The following TERF2 variants were observed in gnomAD, a reference collection of about 807,000 sequenced individuals.
The protein encoded by TERF2 is telomeric repeat binding factor 2.
In TERF2, 16 loss-of-function variants were observed where a neutral mutation model predicts 56.1. The ratio of observed to expected loss-of-function variants is 0.29; its 90% confidence interval spans 0.19 to 0.43. The LOEUF (loss-of-function observed/expected upper bound fraction) is 0.43, where lower values mean the gene tolerates loss of function less well. TERF2 is among the 20% of genes least tolerant of loss of function. The pLI is 1.00. For synonymous variants in TERF2, 296 were observed against 282.1 expected, an observed-to-expected ratio of 1.05 and a Z score of -0.50; for missense variants, 547 against 712.9, an observed-to-expected ratio of 0.77 and a Z score of 2.65.
chr16:69,376,413 G>C (rs560758673), intron 3 of TERF2, among the ~76,000 whole-genome samples: 4 of 152,074 alleles, frequency 2.6e-5, no homozygotes, highest in Non-Finnish European at 5.9e-5. Context: ...CTCTATAGTC[G>C]TAATTACTGT....
At chr16:69,362,657 C>A (rs761132551) in intron 7 of TERF2, among the ~76,000 whole-genome samples, 25 of 152,098 alleles carry the variant, frequency 1.6e-4, no homozygotes, top group South Asian at 4.1e-4. Context: ...GAAAATAACC[C>A]CAAACTCAAA....
intron 6 of TERF2, 79 bp from the exon 7 acceptor site, chr16:69,367,278 T>C (rs1483543156): frequency 3.4e-6 from 5 of 1,474,580 alleles, no homozygotes; most frequent in East Asian, 4.6e-5. Context: ...TTTTTGAAGT[T>C]TGAAGCTTCA....
At chr16:69,366,596 A>T in intron 7 of TERF2, 2 of 573,622 alleles carry the variant, frequency 3.5e-6, no homozygotes, top group East Asian at 2.8e-5. Flanking sequence ...CTCATGCCCT[A>T]GTGCAAGGCT....
At position 69,385,470 on chromosome 16, in the gene TERF2, G is replaced by A. The variant is rs1444973210; in HGVS notation, c.396C>T (p.Pro132=). ...GGGACACGGTGTGCTCCTTCCCCAA[G>A]GGCCTGACAAGCAAAGCTGGGAGAG... is the stretch of plus-strand genomic sequence containing the variant. ...RDIMQALLVR[P]LGKEHTVSRL... The change falls in exon 2 of 10, where the codon CCC becomes CCT. Residue 132 remains proline, a synonymous_variant. Coordinates refer to ENST00000254942, the MANE Select transcript of TERF2 (RefSeq NM_005652.5). 6.2e-7 allele frequency: 1 copy of A among 1,614,068 alleles called. No homozygotes were observed. The highest frequency in any genetic ancestry group is 1.1e-5 in the South Asian group (1 of 91,072).
chr16:69,385,156 G>A (rs2014144507), intron 2 of TERF2, among the ~76,000 whole-genome samples: 1 of 152,036 alleles, frequency 6.6e-6, no homozygotes. Context: ...AAGTTGGGGT[G>A]AGCAATTAAC....
At chr16:69,377,422 G>C in intron 3 of TERF2, among the ~76,000 whole-genome samples, 1 of 151,960 alleles carries the variant, frequency 6.6e-6, no homozygotes, top group East Asian at 1.9e-4. Flanking sequence ...CCACCTCGCA[G>C]GTTCAAGAGA....
chr16:69,367,262 A>T lies in TERF2; in HGVS notation c.948-63T>A. ...ACTGATGATGCTCATCCAAACAGCC[A>T]CAACTTTTTTGAAGTTTGAAGCTTC... On this transcript the variant is annotated intron_variant, in intron 6 of 9. Coordinates refer to ENST00000254942, the MANE Select transcript of TERF2 (RefSeq NM_005652.5). The T allele has an allele frequency of 3.3e-6, 5 of 1,513,252 alleles. No individual in the cohort carries two copies. In the South Asian group the frequency reaches 5.3e-5, roughly 16 times the overall value. 93.7% of individuals were successfully genotyped at this position (1,513,252 alleles called of 1,614,324 possible).
chr16:69,362,425 G>A (rs1358119045), intron 7 of TERF2, among the ~76,000 whole-genome samples: 1 of 152,072 alleles, frequency 6.6e-6, no homozygotes, highest in Non-Finnish European at 1.5e-5. Context: ...CGAAGGCGGG[G>A]GCCACATCTT....
In TERF2 at chr16:69,368,368, C is replaced by T; in HGVS notation, c.947+8G>A. 4 of 1,613,096 alleles carry T rather than the reference C, an allele frequency of 2.5e-6. No individual in the cohort carries two copies. Among genetic ancestry groups the T allele is most frequent in the Non-Finnish European group, 3.4e-6 (4 of 1,179,884 alleles). On this transcript the variant is annotated splice_region_variant and intron_variant, in intron 6 of 9. Transcript: ENST00000254942. ...TTTACCCAAGATCACAAGAGAGCAT[C>T]TTTTTACCTTGCGGGTTCTCTGGGT...
intron 7 of TERF2, among the ~76,000 whole-genome samples, chr16:69,363,572 T>G (rs2013225380): frequency 6.6e-6 from 1 of 152,116 alleles, no homozygotes; most frequent in East Asian, 1.9e-4. Flanking sequence ...AGAGCAATGG[T>G]CTAGCAAGTG....
At chr16:69,368,311 G>T in intron 6 of TERF2, 65 bp downstream of exon 6, 3 of 1,480,376 alleles carry the variant, frequency 2.0e-6, no homozygotes, top group Non-Finnish European at 9.4e-7. Context: ...CTGGCCTAAG[G>T]AGGAGACTGC....
At chr16:69,363,897 G>A (rs1418185264) in intron 7 of TERF2, among the ~76,000 whole-genome samples, 8 of 152,044 alleles carry the variant, frequency 5.3e-5, no homozygotes. Flanking sequence ...TAGGAGAATC[G>A]CTTGAACCTG....
intron 4 of TERF2, 73 bp downstream of exon 4, chr16:69,372,195 AC>A (rs2013601537): frequency 9.5e-7 from 1 of 1,053,118 alleles, no homozygotes; most frequent in Admixed American, 2.3e-5. Flanking sequence ...CTGACCAAGA[AC>A]CCTTTCCCTA....
At chr16:69,371,264 C>T (rs1443051732) in intron 4 of TERF2, among the ~76,000 whole-genome samples, 3 of 151,858 alleles carry the variant, frequency 2.0e-5, no homozygotes, top group South Asian at 4.2e-4. Flanking sequence ...TTTGGGAGGT[C>T]GAGGCGGGCG....
In TERF2 at chr16:69,372,245, G is replaced by A. The variant is rs777584936; in HGVS notation, c.693+24C>T. The stretch of plus-strand genomic sequence containing the variant: ...AGCAATGAGATGAATTTAAGTCACA[G>A]GAGCAAAAATGTATCAAATTTACCT... On this transcript the variant is annotated intron_variant, in intron 4 of 9. Coordinates refer to ENST00000254942, the MANE Select transcript of TERF2 (RefSeq NM_005652.5). 5.8e-6 allele frequency: 9 copies of A among 1,551,646 alleles called. No homozygotes were observed. The South Asian group carries it at 1.1e-4, about 18-fold the overall frequency.
chr16:69,380,719 A>T (rs551774476), intron 3 of TERF2, among the ~76,000 whole-genome samples: 6 of 151,918 alleles, frequency 3.9e-5, no homozygotes, highest in Admixed American at 3.3e-4. Flanking sequence ...TCCATGGATG[A>T]CTTCATAACA....
chr16:69,382,197 G>A (rs1354457379), intron 3 of TERF2, among the ~76,000 whole-genome samples: 3 of 152,210 alleles, frequency 2.0e-5, no homozygotes, highest in Non-Finnish European at 4.4e-5. Flanking sequence ...CATGCACTGA[G>A]GGTTCTAACT....
At position 69,372,320 on chromosome 16, in the gene TERF2, T is replaced by C; in HGVS notation, c.642A>G (p.Glu214=). 1 of 1,611,448 alleles carries C rather than the reference T, an allele frequency of 6.2e-7. No homozygotes were observed. The highest frequency in any genetic ancestry group is 1.3e-5 in the African/African-American group (1 of 74,916). ...VIICIKNKEF[E]KASKILKKHM... ...GTTTTTTCAAAATTTTTGAAGCCTTTTCAAATTCTTTGTTTTTGATACAAA... is the reference window on the plus strand; with the variant it reads ...GTTTTTTCAAAATTTTTGAAGCCTTCTCAAATTCTTTGTTTTTGATACAAA... The change falls in exon 4 of 10, where the codon GAA becomes GAG. Residue 214 remains glutamate, a synonymous_variant. Coordinates refer to ENST00000254942, the MANE Select transcript of TERF2 (RefSeq NM_005652.5).
At chr16:69,370,951 G>A (rs558265670) in intron 4 of TERF2, among the ~76,000 whole-genome samples, 2 of 152,034 alleles carry the variant, frequency 1.3e-5, no homozygotes, top group Admixed American at 6.6e-5. Context: ...TATCACGTAT[G>A]TGTATGAGAA....
Sources: allele counts gnomAD v4.1 joint callset (sites outside exome capture counted in the v4.1 genomes callset), GRCh38; gene constraint gnomAD v4.1.1; transcripts MANE v1.5; gene names NCBI Gene and HGNC (gene_info 2026-07-23, HGNC 2026-07-21).